Variants in CTNNA3 observed in about 807,000 individuals in gnomAD.
The protein encoded by CTNNA3 is catenin alpha 3, also known as catenin alpha-3.
In CTNNA3, 76 loss-of-function variants were observed where a neutral mutation model predicts 95.7. That is an observed-to-expected ratio of 0.79 (90% CI 0.66 to 0.96). The LOEUF (loss-of-function observed/expected upper bound fraction) is 0.96. Among genes scored for constraint, CTNNA3 ranks in the 40% least tolerant of loss-of-function variants. The probability of loss-of-function intolerance (pLI) is 0.00; values close to 1 mark genes in which losing one functional copy is unlikely to be tolerated. For synonymous variants in CTNNA3, 431 were observed against 374.4 expected, an observed-to-expected ratio of 1.15 and a Z score of -1.74; for missense variants, 1,191 against 1,089.8, an observed-to-expected ratio of 1.09 and a Z score of -1.31.
intron 13 of CTNNA3, among the ~76,000 whole-genome samples, chr10:66,221,042 A>C (rs927655466): frequency 6.6e-6 from 1 of 152,320 alleles, no homozygotes; most frequent in South Asian, 2.1e-4. Flanking sequence ...CCCTCTGTCC[A>C]TATCACTTTT....
At chr10:66,380,083 C>A (rs1485921532) in intron 11 of CTNNA3, among the ~76,000 whole-genome samples, 1 of 152,128 alleles carries the variant, frequency 6.6e-6, no homozygotes, top group Non-Finnish European at 1.5e-5. Flanking sequence ...ACGACTATTT[C>A]TTTAAAACAC....
intron 7 of CTNNA3, among the ~76,000 whole-genome samples, chr10:67,004,293 A>C (rs1023083046): frequency 6.6e-6 from 1 of 152,210 alleles, no homozygotes; most frequent in Non-Finnish European, 1.5e-5. Flanking sequence ...CTGTCTTTAA[A>C]GAAAGTCAAA....
chr10:66,719,644 A>T (rs1370394720), intron 9 of CTNNA3, among the ~76,000 whole-genome samples: 1 of 152,132 alleles, frequency 6.6e-6, no homozygotes, highest in South Asian at 2.1e-4. Context: ...TCATCTCAGA[A>T]TATACCTGCA....
rs189015400 is a variant in CTNNA3 at position 66,510,782 on chromosome 10, T to C, written c.1531+9835A>G. On this transcript the variant is annotated intron_variant, in intron 11 of 17. Transcript: ENST00000433211. ...ATTATGTTTTTGACGTGCTGTTGGG[T>C]TCTATTTTCTAGTATTTGGTTGAGG... Among the ~76,000 whole-genome samples, 34 of 151,964 alleles carry C rather than the reference T, an allele frequency of 2.2e-4. 1 individual carries two copies. Among genetic ancestry groups the C allele is most frequent in the African/African-American group, 7.5e-4 (31 of 41,540 alleles).
chr10:66,215,104 G>A lies in CTNNA3; in HGVS notation c.1884+65366C>T, dbSNP rs140366847. On this transcript the variant is annotated intron_variant, in intron 13 of 17. Coordinates refer to ENST00000433211, the MANE Select transcript of CTNNA3 (RefSeq NM_013266.4). ...TTCAGTCCTCATTGGAATCTCATGT[G>A]CACAGAGTAAGGAACAAGAAATAAC... 3.7e-3 allele frequency among the ~76,000 whole-genome samples: 561 copies of A among 152,102 alleles called. 5 individuals are homozygous for A. The highest frequency in any genetic ancestry group is 0.012 in the African/African-American group (503 of 41,502).
At chr10:66,265,616 C>A (rs1252245024) in intron 13 of CTNNA3, among the ~76,000 whole-genome samples, 1 of 152,010 alleles carries the variant, frequency 6.6e-6, no homozygotes, top group African/African-American at 2.4e-5. Flanking sequence ...GTATAACAAG[C>A]AATTCCAAAT....
chr10:65,960,124 C>G (rs906802267), intron 17 of CTNNA3, among the ~76,000 whole-genome samples: 1 of 152,160 alleles, frequency 6.6e-6, no homozygotes, highest in Admixed American at 6.6e-5. Flanking sequence ...CTACTCTTTC[C>G]ATTTTACCAA....
intron 5 of CTNNA3, among the ~76,000 whole-genome samples, chr10:67,411,549 T>G (rs568811972): frequency 6.6e-6 from 1 of 152,074 alleles, no homozygotes; most frequent in Non-Finnish European, 1.5e-5. Flanking sequence ...GAGAAGAATA[T>G]TCATTGGATT....
chr10:66,784,708 AC>A (rs1260551056), intron 7 of CTNNA3, among the ~76,000 whole-genome samples: 2 of 152,196 alleles, frequency 1.3e-5, no homozygotes, highest in Admixed American at 1.3e-4. Flanking sequence ...ATAATCAAAA[AC>A]CACTACTTGG....
chr10:67,079,201 GT>G (rs1388353343), intron 7 of CTNNA3, among the ~76,000 whole-genome samples: 1 of 152,148 alleles, frequency 6.6e-6, no homozygotes, highest in Non-Finnish European at 1.5e-5. Flanking sequence ...TGTATGCAAG[GT>G]TAACTTATGA....
At chr10:66,766,922 T>C (rs1219281873) in intron 8 of CTNNA3, among the ~76,000 whole-genome samples, 1 of 152,214 alleles carries the variant, frequency 6.6e-6, no homozygotes, top group Non-Finnish European at 1.5e-5. Flanking sequence ...AGAAGAATAA[T>C]AAATGAGTTT....
At chr10:65,998,404 T>C (rs1441002232) in intron 15 of CTNNA3, among the ~76,000 whole-genome samples, 1 of 152,194 alleles carries the variant, frequency 6.6e-6, no homozygotes. Context: ...CGAATGATTA[T>C]CTGAATGAAT....
At chr10:67,234,744 G>A (rs186723237) in intron 5 of CTNNA3, among the ~76,000 whole-genome samples, 4,027 of 152,202 alleles carry the variant, frequency 0.026, 74 homozygotes, top group South Asian at 0.091. Flanking sequence ...CAGATGACAT[G>A]ATTGTATATC....
chr10:67,258,595 C>T (rs567875112), intron 5 of CTNNA3, among the ~76,000 whole-genome samples: 23 of 152,218 alleles, frequency 1.5e-4, no homozygotes, highest in South Asian at 2.1e-4. Flanking sequence ...AGTAAGAACA[C>T]AAAATAAGAT....
intron 11 of CTNNA3, among the ~76,000 whole-genome samples, chr10:66,396,217 C>T (rs7086111): frequency 0.16 from 24,557 of 151,852 alleles, 2,725 homozygotes; most frequent in East Asian, 0.45. Context: ...ATACTATTAG[C>T]TTTCTAATTT....
chr10:67,533,093 G>A (rs1246767167), intron 4 of CTNNA3, among the ~76,000 whole-genome samples: 1 of 152,210 alleles, frequency 6.6e-6, no homozygotes, highest in Non-Finnish European at 1.5e-5. Flanking sequence ...GGAGGCCAAG[G>A]TGGGCAGATC....
chr10:65,976,563 G>C (rs1461720272), intron 16 of CTNNA3, among the ~76,000 whole-genome samples: 2 of 152,100 alleles, frequency 1.3e-5, no homozygotes, highest in Non-Finnish European at 2.9e-5. Flanking sequence ...GAATATCTTG[G>C]TTATAACAGA....
chr10:66,835,914 C>T (rs1842870465), intron 7 of CTNNA3, among the ~76,000 whole-genome samples: 1 of 151,962 alleles, frequency 6.6e-6, no homozygotes, highest in African/African-American at 2.4e-5. Context: ...AGATAATTTG[C>T]ATTTCTAACA....
chr10:67,330,210 T>A (rs1041546023), intron 5 of CTNNA3, among the ~76,000 whole-genome samples: 3 of 152,248 alleles, frequency 2.0e-5, no homozygotes, highest in Admixed American at 1.3e-4. Context: ...ACAATTCATA[T>A]TGGAGGCAAC....
Sources: gnomAD v4.1 joint callset for allele counts (sites outside exome capture counted in the v4.1 genomes callset) on GRCh38, gnomAD v4.1.1 for gene constraint, MANE v1.5 for transcripts, NCBI Gene and HGNC (gene_info 2026-07-23, HGNC 2026-07-21) for gene names.